Variants in CDH12 observed in about 807,000 individuals in gnomAD.
CDH12 encodes cadherin-12.
In CDH12, 41 loss-of-function variants were observed where a neutral mutation model predicts 74.1. That is an observed-to-expected ratio of 0.55 (90% CI 0.43 to 0.72). CDH12 has a LOEUF of 0.72. CDH12 is among the 30% of genes least tolerant of loss of function. The probability of loss-of-function intolerance (pLI) is 0.00; values close to 1 mark genes in which losing one functional copy is unlikely to be tolerated. For synonymous variants in CDH12, 399 were observed against 355.0 expected (o/e 1.12, Z -1.39); for missense variants, 945 against 977.2 (o/e 0.97, Z 0.44).
intron 3 of CDH12, among the ~76,000 whole-genome samples, chr5:22,317,928 G>A (rs889795174): frequency 3.3e-5 from 5 of 152,186 alleles, no homozygotes; most frequent in Non-Finnish European, 5.9e-5. Context: ...ACAATTCAGT[G>A]TTTAGATAAT....
At chr5:21,823,751 T>C (rs1448650104) in intron 8 of CDH12, among the ~76,000 whole-genome samples, 1 of 152,108 alleles carries the variant, frequency 6.6e-6, no homozygotes, top group African/African-American at 2.4e-5. Context: ...TGCCTTGTAG[T>C]TCACAGAAAA....
chr5:22,143,986 C>G (rs1746989460), intron 4 of CDH12: 1 of 151,790 alleles, frequency 6.6e-6, no homozygotes, highest in South Asian at 2.1e-4. Flanking sequence ...AGAGTGCAGT[C>G]AACCAGTAAA....
At chr5:22,356,471 G>A (rs894631374) in intron 3 of CDH12, among the ~76,000 whole-genome samples, 2 of 152,070 alleles carry the variant, frequency 1.3e-5, no homozygotes, top group African/African-American at 4.8e-5. Context: ...AATACAATAT[G>A]CTTAATCCTC....
intron 1 of CDH12, among the ~76,000 whole-genome samples, chr5:22,517,093 A>T (rs928274981): frequency 1.3e-5 from 2 of 152,066 alleles, no homozygotes; most frequent in Non-Finnish European, 2.9e-5. Flanking sequence ...TATAATATAC[A>T]TTTTAAAAAC....
intron 9 of CDH12, among the ~76,000 whole-genome samples, chr5:21,816,526 G>A (rs1748049253): frequency 6.9e-6 from 1 of 145,384 alleles, no homozygotes; most frequent in African/African-American, 2.5e-5. Flanking sequence ...TCAGGAGTTT[G>A]AGGCAGGAGA....
intron 3 of CDH12, among the ~76,000 whole-genome samples, chr5:22,239,644 T>C (rs1237886942): frequency 6.6e-6 from 1 of 152,138 alleles, no homozygotes; most frequent in Non-Finnish European, 1.5e-5. Context: ...CTCTCATGGT[T>C]ATAGGGAATT....
intron 5 of CDH12, among the ~76,000 whole-genome samples, chr5:22,003,500 C>A (rs1421760119): frequency 6.6e-6 from 1 of 152,184 alleles, no homozygotes; most frequent in Non-Finnish European, 1.5e-5. Context: ...GAGACAATTT[C>A]AGAGTAAACA....
At chr5:21,787,018 G>A (rs1446834426) in intron 10 of CDH12, among the ~76,000 whole-genome samples, 1 of 152,146 alleles carries the variant, frequency 6.6e-6, no homozygotes, top group African/African-American at 2.4e-5. Flanking sequence ...GCTTCTTACA[G>A]ATGAGCAAAC....
intron 11 of CDH12, among the ~76,000 whole-genome samples, chr5:21,778,360 GT>G (rs1745709535): frequency 6.8e-6 from 1 of 146,156 alleles, no homozygotes; most frequent in South Asian, 2.2e-4. Context: ...TATTAATATA[GT>G]TTATTACTTT....
intron 6 of CDH12, among the ~76,000 whole-genome samples, chr5:21,935,927 AT>A (rs138584474): frequency 2.1e-4 from 32 of 151,340 alleles, no homozygotes; most frequent in African/African-American, 4.4e-4. Context: ...ACAGGAACTC[AT>A]TTTTTTTTAT....
intron 6 of CDH12, among the ~76,000 whole-genome samples, chr5:21,953,845 T>C (rs1755976747): frequency 6.6e-6 from 1 of 152,068 alleles, no homozygotes; most frequent in Admixed American, 6.6e-5. Context: ...AGATACATAT[T>C]TATTTAAGAA....
intron 6 of CDH12, among the ~76,000 whole-genome samples, chr5:21,933,515 T>A (rs1252899206): frequency 6.6e-6 from 1 of 152,134 alleles, no homozygotes; most frequent in African/African-American, 2.4e-5. Flanking sequence ...CATTGCAAAG[T>A]GGGAGGAAGG....
At chr5:22,181,719 A>G (rs1749655350) in intron 4 of CDH12, among the ~76,000 whole-genome samples, 1 of 151,894 alleles carries the variant, frequency 6.6e-6, no homozygotes, top group Non-Finnish European at 1.5e-5. Flanking sequence ...TTCCATCAAT[A>G]TCTGTCTTTT....
chr5:21,854,533 C>A, intron 7 of CDH12, 138 bp downstream of exon 7: 1 of 534,300 alleles, frequency 1.9e-6, no homozygotes, highest in Non-Finnish European at 3.2e-6. Context: ...AAGGAAAGAT[C>A]CCATCTTCTT....
At chr5:22,526,648 C>T (rs1162698009) in intron 1 of CDH12, among the ~76,000 whole-genome samples, 1 of 152,124 alleles carries the variant, frequency 6.6e-6, no homozygotes, top group African/African-American at 2.4e-5. Context: ...TTTCCAAGAT[C>T]CATCTGTCTT....
intron 4 of CDH12, among the ~76,000 whole-genome samples, chr5:22,192,321 T>C (rs556799532): frequency 1.3e-5 from 2 of 152,336 alleles, no homozygotes; most frequent in South Asian, 2.1e-4. Context: ...AAGGAACTTA[T>C]AATCTCTCAG....
intron 2 of CDH12, among the ~76,000 whole-genome samples, chr5:22,443,446 C>T (rs1472711629): frequency 2.0e-5 from 3 of 151,978 alleles, no homozygotes. Flanking sequence ...AGTGTTGATA[C>T]TTAGGTAGGT....
At chr5:21,890,094 T>G (rs891081965) in intron 6 of CDH12, among the ~76,000 whole-genome samples, 2 of 152,158 alleles carry the variant, frequency 1.3e-5, no homozygotes, top group African/African-American at 4.8e-5. Flanking sequence ...AAAAATTCTG[T>G]TTTTCTCTTT....
chr5:22,821,395 C>A (rs1749693593), intron 1 of CDH12, among the ~76,000 whole-genome samples: 1 of 152,008 alleles, frequency 6.6e-6, no homozygotes, highest in East Asian at 1.9e-4. Flanking sequence ...GGCAATCAGG[C>A]AGGAGGAAGA....
Sources: gnomAD v4.1 joint callset for allele counts (sites outside exome capture counted in the v4.1 genomes callset) on GRCh38, gnomAD v4.1.1 for gene constraint, MANE v1.5 for transcripts, NCBI Gene and HGNC (gene_info 2026-07-23, HGNC 2026-07-21) for gene names.